CEL: variants seen among roughly 807,000 people sequenced by gnomAD.
The protein encoded by CEL is carboxyl ester lipase, also known as bile salt-activated lipase.
CEL carries 39 observed loss-of-function variants against 57.1 expected under a neutral mutation model. The observed-to-expected ratio is 0.68, with a 90% CI of 0.53 to 0.89. CEL has a LOEUF of 0.89. CEL is among the 40% of genes least tolerant of loss of function. The probability of loss-of-function intolerance (pLI) is 0.00; values close to 1 mark genes in which losing one functional copy is unlikely to be tolerated. For missense variants in CEL, 698 were observed against 915.0 expected, an observed-to-expected ratio of 0.76 and a Z score of 3.06; for synonymous variants, 314 against 396.6, an observed-to-expected ratio of 0.79 and a Z score of 2.48.
rs552663245 is a variant in CEL, at chr9:133,063,271, C to G, written c.67-1133C>G. Among the ~76,000 whole-genome samples the G allele has an allele frequency of 1.8e-4, 27 of 152,338 alleles. No homozygotes were observed. The East Asian group carries it at 2.5e-3, about 14-fold the overall frequency. ...AGGTCATCACGACCCCTCCCCATTT[C>G]CCCACCCTGAGGCCCTCTGGCCAGT... On this transcript the variant is annotated intron_variant, in intron 1 of 10. Coordinates refer to ENST00000372080, the MANE Select transcript of CEL (RefSeq NM_001807.6).
chr9:133,064,811 C>T lies in CEL; in HGVS notation c.340+49C>T, dbSNP rs1296842925. On this transcript the variant is annotated intron_variant, in intron 3 of 10. Coordinates refer to ENST00000372080, the MANE Select transcript of CEL (RefSeq NM_001807.6). The stretch of plus-strand genomic sequence containing the variant: ...AGGGACCCTCCCATGCAGCCACTGC[C>T]CCGGGTCTACTCCTGGCTTGAGTCT... 5 of 1,612,390 alleles carry T rather than the reference C, an allele frequency of 3.1e-6. No individual in the cohort carries two copies. In the Admixed American group the frequency reaches 6.7e-5, roughly 22 times the overall value.
rs762851147 is a variant in CEL at position 133,071,618 on chromosome 9, A to G, written c.2116A>G (p.Thr706Ala). The G allele has an allele frequency of 6.6e-6, 9 of 1,371,536 alleles. No homozygotes were observed. The African/African-American group carries it at 1.6e-4, about 24-fold the overall frequency. The allele number at this position is 1,371,536 out of a possible 1,614,324, so 85.0% of individuals were successfully genotyped here. ...GDSGAPPVTP[T>A]GDSETAPVPP... ...CTCCGGGGCCCCCCCCGTGACCCCC[A>G]CGGGTGACTCCGAGACCGCCCCCGT... The change falls in exon 11 of 11, where the codon ACG (threonine) becomes GCG (alanine). Residue 706 changes from threonine (T) to alanine (A), a missense_variant. Transcript: ENST00000372080.
intron 4 of CEL, 92 bp downstream of exon 4, chr9:133,065,329 AG>A: frequency 2.1e-6 from 3 of 1,428,640 alleles, no homozygotes; most frequent in Non-Finnish European, 2.9e-6. Context: ...CCAAACAACC[AG>A]TGGCGGTTCA....
intron 9 of CEL, among the ~76,000 whole-genome samples, chr9:133,069,672 A>G (rs1441600274): frequency 2.6e-5 from 4 of 152,108 alleles, no homozygotes; most frequent in African/African-American, 9.7e-5. Context: ...ATAATAGCCA[A>G]TTATAATAAA....
At position 133,067,116 on chromosome 9, in the gene CEL, G is replaced by A; in HGVS notation, c.806G>A (p.Gly269Asp). The A allele has an allele frequency of 6.2e-7, 1 of 1,614,176 alleles. No individual in the cohort carries two copies. Residue 269 changes from glycine (G) to aspartate (D), a missense_variant, in exon 7 of 11, where the codon GGT becomes GAT. Physicochemically the swap from Gly to Asp is moderately conservative, Grantham distance 94. Coordinates refer to ENST00000372080, the MANE Select transcript of CEL (RefSeq NM_001807.6). ...GCTGAGAAGGTGGGTTGCCCTGTGG[G>A]TGATGCCGCCAGGATGGCCCAGTGT... Reference protein sequence around the residue: ...KVAEKVGCPVGDAARMAQCLK... With the variant: ...KVAEKVGCPVDDAARMAQCLK...
Position 133,066,843 on chromosome 9 carries a change from C to G in CEL, c.675C>G (p.Leu225=). 1.9e-6 allele frequency: 3 copies of G among 1,612,462 alleles called. No individual in the cohort carries two copies. Among genetic ancestry groups the G allele is most frequent in the South Asian group, 1.1e-5 (1 of 90,830 alleles). ...AGGASVSLQT[L]SPYNKGLIRR... ...GGGATTTCTGGGTCCCGTAGACCCT[C>G]TCCCCCTACAACAAGGGCCTCATCC... The change falls in exon 6 of 11, where the codon CTC becomes CTG. Residue 225 remains leucine, a synonymous_variant. Coordinates refer to ENST00000372080, the MANE Select transcript of CEL (RefSeq NM_001807.6). This position sits in a 1 kb window ranked among gnomAD's most constrained non-coding sequence, Gnocchi z 4.3.
At chr9:133,063,595 C>G (rs569911655) in intron 1 of CEL, among the ~76,000 whole-genome samples, 1 of 152,302 alleles carries the variant, frequency 6.6e-6, no homozygotes, top group East Asian at 1.9e-4. Context: ...GAGCTGCTGC[C>G]CAAGATGGAC....
rs779862724 is a variant in CEL at position 133,071,204 on chromosome 9, G to A, written c.1702G>A (p.Ala568Thr). 3.4e-5 allele frequency: 55 copies of A among 1,602,226 alleles called. 2 individuals carry two copies. Among genetic ancestry groups the A allele is most frequent in the East Asian group, 4.5e-5 (2 of 44,646 alleles). The change falls in exon 11 of 11, where the codon GCC becomes ACC. Residue 568 changes from alanine to threonine, a missense_variant. Ala to Thr is a moderately conservative substitution (Grantham distance 58, BLOSUM62 0). Around this residue, in one of 6 missense-constraint regions of CEL, gnomAD observed 238 missense variants for 213.7 expected, o/e 1.11. Coordinates refer to ENST00000372080, the MANE Select transcript of CEL (RefSeq NM_001807.6). ...TPVPPTGDSE[A>T]TPVPPTGDSE... is the part of the protein sequence containing the mutation. Reference sequence around the variant, plus strand: ...TGTGCCCCCCACAGGGGACTCCGAGGCCACTCCCGTGCCCCCCACGGGTGA... The same window carrying A: ...TGTGCCCCCCACAGGGGACTCCGAGACCACTCCCGTGCCCCCCACGGGTGA...
In CEL at chr9:133,066,676, T is replaced by A; in HGVS notation, c.669+16T>A. The A allele has an allele frequency of 6.2e-7, 1 of 1,605,114 alleles. No individual in the cohort carries two copies. Among genetic ancestry groups the A allele is most frequent in the Non-Finnish European group, 8.5e-7 (1 of 1,175,678 alleles). ...CTCTCTGCAGGTCTCGGGATCCCTG[T>A]GGGGAGGGCCTGCCCCACAGGTTGA... is the stretch of plus-strand genomic sequence containing the variant. On this transcript the variant is annotated intron_variant, in intron 5 of 10. Coordinates refer to ENST00000372080, the MANE Select transcript of CEL (RefSeq NM_001807.6). This position sits in a 1 kb window ranked among gnomAD's most constrained non-coding sequence, Gnocchi z 4.3.
rs527381393 is a variant in CEL, at chr9:133,067,783, A to G, written c.895+578A>G. On this transcript the variant is annotated intron_variant, in intron 7 of 10. Coordinates refer to ENST00000372080, the MANE Select transcript of CEL (RefSeq NM_001807.6). The stretch of plus-strand genomic sequence containing the variant: ...ATTCATATGCAGTCATTTGCATATA[A>G]TTTTAGGGAGACTCATAGACCTCAG... 3.9e-5 allele frequency among the ~76,000 whole-genome samples: 6 copies of G among 152,222 alleles called. No homozygotes were observed. In the South Asian group the frequency reaches 1.2e-3, roughly 32 times the overall value.
rs1380646600 is a variant in CEL at position 133,064,718 on chromosome 9, A to C, written c.296A>C (p.Asp99Ala). The C allele has an allele frequency of 1.9e-6, 3 of 1,614,100 alleles. No homozygotes were observed. The highest frequency in any genetic ancestry group is 1.3e-5 in the African/African-American group (1 of 75,046). ...CAGGACAGCACCTACGGGGATGAAG[A>C]CTGCCTGTACCTCAACATTTGGGTG... ...ITQDSTYGDE[D>A]CLYLNIWVPQ... Residue 99 changes from aspartate to alanine, a missense_variant, in exon 3 of 11, where the codon GAC becomes GCC. Asp to Ala is a moderately radical substitution (Grantham distance 126, BLOSUM62 -2). Transcript: ENST00000372080.
At position 133,066,892 on chromosome 9, in the gene CEL, G is replaced by A. The variant is rs776449870; in HGVS notation, c.724G>A (p.Val242Met). ...CCGGCGAGCCATCAGCCAGAGCGGC[G>A]TGGCCCTGAGTCCCTGGGTCATCCA... ...LIRRAISQSG[V>M]ALSPWVIQKN... Residue 242 changes from valine (V) to methionine (M), a missense_variant, in exon 6 of 11, where the codon GTG becomes ATG. Physicochemically the swap from Val to Met is conservative, Grantham distance 21. This residue lies in a region of CEL where 327 missense variants were observed against 374.1 expected (regional missense o/e 0.87). Transcript: ENST00000372080. The surrounding 1 kb of genome is among the most constrained non-coding windows in gnomAD (Gnocchi z 4.3). 7 of 1,613,530 alleles carry A rather than the reference G, an allele frequency of 4.3e-6. No individual in the cohort carries two copies. Among genetic ancestry groups the A allele is most frequent in the South Asian group, 1.1e-5 (1 of 91,034 alleles).
rs185873637 is a variant in CEL at position 133,067,448 on chromosome 9, A to G, written c.895+243A>G. Among the ~76,000 whole-genome samples, 251 of 152,152 alleles carry G rather than the reference A, an allele frequency of 1.6e-3. 2 individuals carry two copies. In the South Asian group the frequency reaches 0.022, roughly 13 times the overall value. On this transcript the variant is annotated intron_variant, in intron 7 of 10. Transcript: ENST00000372080. The stretch of plus-strand genomic sequence containing the variant: ...GAGTGCAGTGTCACGATCTCAGCTC[A>G]CTGCAACCTCCACCTCCTGGGTTCA...
rs114748245 is a variant in CEL at position 133,064,098 on chromosome 9, C to T, written c.67-306C>T. Among the ~76,000 whole-genome samples the T allele has an allele frequency of 3.8e-3, 585 of 152,328 alleles. 4 individuals are homozygous for T. The highest frequency in any genetic ancestry group is 0.013 in the African/African-American group (537 of 41,564). ...ACTGAGGATCGGAGTCAAAGCTGGG[C>T]GGCCATAGCCAGAACCCAAACCTCC... On this transcript the variant is annotated intron_variant, in intron 1 of 10. Coordinates refer to ENST00000372080, the MANE Select transcript of CEL (RefSeq NM_001807.6).
At chr9:133,062,551 G>A (rs1476317317) in intron 1 of CEL, among the ~76,000 whole-genome samples, 4 of 139,798 alleles carry the variant, frequency 2.9e-5, no homozygotes, top group East Asian at 2.0e-4. Flanking sequence ...CTGAGATCAC[G>A]CTACTGCACT....
In CEL at chr9:133,071,273, C is replaced by A. The variant is rs780700571; in HGVS notation, c.1771C>A (p.Pro591Thr). The change falls in exon 11 of 11, where the codon CCC (proline) becomes ACC (threonine). Residue 591 changes from proline to threonine, a missense_variant. By Grantham distance (38) the Pro-to-Thr change is conservative (BLOSUM62 -1). Around this residue, in one of 6 missense-constraint regions of CEL, gnomAD observed 238 missense variants for 213.7 expected, o/e 1.11. Coordinates refer to ENST00000372080, the MANE Select transcript of CEL (RefSeq NM_001807.6). ...GCCGCCCACGGGTGACTCCGGGGCC[C>A]CCCCCGTGCCGCCCACGGGTGACTC... is the stretch of plus-strand genomic sequence containing the variant. ...PVPPTGDSGAPPVPPTGDSGA... is the reference protein window; with the variant it reads ...PVPPTGDSGATPVPPTGDSGA... 1.4e-6 allele frequency: 2 copies of A among 1,475,182 alleles called. No individual in the cohort carries two copies. The highest frequency in any genetic ancestry group is 1.8e-6 in the Non-Finnish European group (2 of 1,101,898). 91.4% of individuals were successfully genotyped at this position (1,475,182 alleles called of 1,614,324 possible).
At chr9:133,065,329 A>G (rs1830161457) in intron 4 of CEL, 92 bp downstream of exon 4, 2 of 1,428,522 alleles carry the variant, frequency 1.4e-6, no homozygotes, top group African/African-American at 1.4e-5. Flanking sequence ...CCAAACAACC[A>G]GTGGCGGTTC....
chr9:133,066,975 G>GGGGGGGGGT lies in CEL; in HGVS notation c.777+30_777+31insGGGGGGGGT. The GGGGGGGGGT allele has an allele frequency of 6.8e-7, 1 of 1,467,680 alleles. No individual in the cohort carries two copies. Among genetic ancestry groups the GGGGGGGGGT allele is most frequent in the Non-Finnish European group, 9.6e-7 (1 of 1,046,854 alleles). The allele number at this position is 1,467,680 out of a possible 1,614,324, so 90.9% of individuals were successfully genotyped here. On this transcript the variant is annotated intron_variant, in intron 6 of 10. Transcript: ENST00000372080. The surrounding 1 kb of genome is among the most constrained non-coding windows in gnomAD (Gnocchi z 4.3). The stretch of plus-strand genomic sequence containing the variant: ...ACGGAGGAGGGCAGGGCTGGGCGGG[G>GGGGGGGGGT]TGGGGGCTGTCCACATTTCCGTTCT...
rs750609354 is a variant in CEL at position 133,070,514 on chromosome 9, A to G, written c.1340A>G (p.Tyr447Cys). 9 of 1,613,498 alleles carry G rather than the reference A, an allele frequency of 5.6e-6. No homozygotes were observed. In the East Asian group the frequency reaches 8.9e-5, roughly 16 times the overall value. The change falls in exon 10 of 11, where the codon TAC becomes TGC. Residue 447 changes from tyrosine (Y) to cysteine (C), a missense_variant. Tyr to Cys is a radical substitution (Grantham distance 194, BLOSUM62 -2). This residue lies in a region of CEL where 111 missense variants were observed against 147.3 expected (regional missense o/e 0.75). Coordinates refer to ENST00000372080, the MANE Select transcript of CEL (RefSeq NM_001807.6). ...LFSHPSRMPV[Y>C]PKWVGADHAD... Reference sequence around the variant, plus strand: ...TCCCATCCCTCTCGGATGCCCGTCTACCCCAAATGGGTGGGGGCCGACCAT... The same window carrying G: ...TCCCATCCCTCTCGGATGCCCGTCTGCCCCAAATGGGTGGGGGCCGACCAT...
Sources: allele counts gnomAD v4.1 joint callset (sites outside exome capture counted in the v4.1 genomes callset), GRCh38; gene constraint gnomAD v4.1.1; regional missense constraint gnomAD v4.1.1; non-coding constraint Gnocchi (gnomAD v3.1); transcripts MANE v1.5; gene names NCBI Gene and HGNC (gene_info 2026-07-23, HGNC 2026-07-21).